Variants in RHAG observed in about 807,000 individuals in gnomAD.
The protein encoded by RHAG is Rh associated glycoprotein.
In RHAG, 25 loss-of-function variants were observed where a neutral mutation model predicts 42.4. The ratio of observed to expected loss-of-function variants is 0.59; its 90% CI spans 0.43 to 0.82. RHAG has a LOEUF of 0.82. Ranked by LOEUF, RHAG falls within the 40% of genes least tolerant of loss-of-function variation. The probability of loss-of-function intolerance (pLI) is 0.00; values close to 1 mark genes in which losing one functional copy is unlikely to be tolerated. For synonymous variants in RHAG, 182 were observed against 177.7 expected (o/e 1.02, Z -0.19); for missense variants, 483 against 504.6 (o/e 0.96, Z 0.41).
At chr6:49,608,790 G>A (rs558880134) in intron 7 of RHAG, among the ~76,000 whole-genome samples, 7 of 151,852 alleles carry the variant, frequency 4.6e-5, no homozygotes, top group East Asian at 3.9e-4. Flanking sequence ...ATGCTTTATC[G>A]CTTTGATAAG....
Position 49,611,211 on chromosome 6 carries a change from G to T in RHAG, c.946-66C>A, listed in dbSNP as rs116596336. On this transcript the variant is annotated intron_variant, in intron 6 of 9. Transcript: ENST00000371175. ...CATATAGAACTCTAGAACTGAAACA[G>T]AGCTATAGCTGGGCTCTATTCTTCC... The T allele has an allele frequency of 7.5e-4, 988 of 1,322,712 alleles. 5 individuals are homozygous for T. The African/African-American group carries it at 0.013, about 17-fold the overall frequency. 81.9% of individuals were successfully genotyped at this position (1,322,712 alleles called of 1,614,324 possible). A position where few individuals can be genotyped will look rare whatever the true frequency, so the allele number is the denominator to read the frequency against.
intron 5 of RHAG, among the ~76,000 whole-genome samples, chr6:49,613,008 C>A (rs1274870939): frequency 6.6e-6 from 1 of 150,636 alleles, no homozygotes; most frequent in East Asian, 1.9e-4. Context: ...ATATGAAAGA[C>A]AATAGTTTTT....
At chr6:49,623,253 C>A (rs370360246) in intron 1 of RHAG, among the ~76,000 whole-genome samples, 7 of 152,128 alleles carry the variant, frequency 4.6e-5, no homozygotes, top group Admixed American at 4.6e-4. Context: ...GGCTTAAGAA[C>A]CTCATTTATT....
chr6:49,614,156 C>T (rs931873030), intron 5 of RHAG, among the ~76,000 whole-genome samples: 5 of 151,854 alleles, frequency 3.3e-5, no homozygotes, highest in African/African-American at 9.7e-5. Flanking sequence ...CCCTTGAGAA[C>T]ATTTTTTAAT....
Position 49,614,730 on chromosome 6 carries a change from A to C in RHAG, c.764T>G (p.Phe255Cys), listed in dbSNP as rs1403518486. Residue 255 changes from phenylalanine to cysteine, a missense_variant, in exon 5 of 10, where the codon TTT becomes TGT. Phe to Cys is a radical substitution (Grantham distance 205, BLOSUM62 -2). Transcript: ENST00000371175. Reference protein sequence around the residue: ...FSLAACVLTAFAFSSLVEHRG... With the variant: ...FSLAACVLTACAFSSLVEHRG... ...GTGCTCCACTAGGCTGGAGAAGGCA[A>C]AGGCTGTGAGCACACAGGCAGCGAG... 4 of 1,614,082 alleles carry C rather than the reference A, an allele frequency of 2.5e-6. No individual in the cohort carries two copies. The highest frequency in any genetic ancestry group is 3.4e-6 in the Non-Finnish European group (4 of 1,180,030).
At chr6:49,622,314 T>C (rs972764523) in intron 1 of RHAG, among the ~76,000 whole-genome samples, 11 of 150,866 alleles carry the variant, frequency 7.3e-5, no homozygotes, top group Non-Finnish European at 1.5e-4. Context: ...CCTCCCGGGC[T>C]CAAGTGATTC....
chr6:49,622,759 T>C (rs1762782515), intron 1 of RHAG, among the ~76,000 whole-genome samples: 1 of 152,156 alleles, frequency 6.6e-6, no homozygotes, highest in Admixed American at 6.5e-5. Flanking sequence ...TTTATCTAAT[T>C]TCATAATTTC....
At chr6:49,623,899 C>T (rs996298456) in intron 1 of RHAG, among the ~76,000 whole-genome samples, 3 of 152,060 alleles carry the variant, frequency 2.0e-5, no homozygotes, top group Admixed American at 2.0e-4. Flanking sequence ...AATTTCTGCC[C>T]AGCAGCACAG....
chr6:49,636,568 C>A lies in RHAG; in HGVS notation c.157+88G>T, dbSNP rs1264340699. On this transcript the variant is annotated intron_variant, in intron 1 of 9. Coordinates refer to ENST00000371175, the MANE Select transcript of RHAG (RefSeq NM_000324.3). ...AACCATCATATAATTCTACAAAGAG[C>A]TCAAGGGTTTATAGTATTCAATTGT... is the stretch of plus-strand genomic sequence containing the variant. 3.0e-6 allele frequency: 4 copies of A among 1,316,918 alleles called. No individual in the cohort carries two copies. In the East Asian group the frequency reaches 6.9e-5, roughly 23 times the overall value. The allele number at this position is 1,316,918 out of a possible 1,614,324, so 81.6% of individuals were successfully genotyped here. A position where few individuals can be genotyped will look rare whatever the true frequency, so the allele number is the denominator to read the frequency against.
intron 1 of RHAG, among the ~76,000 whole-genome samples, chr6:49,634,797 T>A (rs1049323307): frequency 6.6e-6 from 1 of 152,100 alleles, no homozygotes; most frequent in African/African-American, 2.4e-5. Flanking sequence ...ACTATATTTT[T>A]AAACAGATTT....
intron 4 of RHAG, 33 bp from the exon 5 acceptor site, chr6:49,614,886 T>C: frequency 6.3e-7 from 1 of 1,595,014 alleles, no homozygotes; most frequent in Non-Finnish European, 8.6e-7. Flanking sequence ...ATATTAGTTC[T>C]GAATATGGAA....
rs531446812 is a variant in RHAG at position 49,614,359 on chromosome 6, AT to A, written c.807+327del. Reference sequence around the variant, plus strand: ...AGGTGTCTGCCTCCACGCCTGGCTAATTTTTTTTTTTTTTGTATTTTTAGTA... The same window carrying A: ...AGGTGTCTGCCTCCACGCCTGGCTAATTTTTTTTTTTTTGTATTTTTAGTA... On this transcript the variant is annotated intron_variant, in intron 5 of 9. Coordinates refer to ENST00000371175, the MANE Select transcript of RHAG (RefSeq NM_000324.3). 8.9e-3 allele frequency among the ~76,000 whole-genome samples: 1,259 copies of A among 140,996 alleles called. 9 individuals carry two copies. The highest frequency in any genetic ancestry group is 0.023 in the African/African-American group (881 of 38,516). 92.5% of individuals were successfully genotyped at this position (140,996 alleles called of 152,430 possible).
intron 5 of RHAG, 105 bp from the exon 6 acceptor site, chr6:49,612,639 G>A (rs1031283967): frequency 1.5e-6 from 2 of 1,317,814 alleles, no homozygotes; most frequent in Admixed American, 3.6e-5. Context: ...TTCTTCAGTT[G>A]AAAGGGCTAT....
chr6:49,622,204 C>G (rs1272474158), intron 1 of RHAG, among the ~76,000 whole-genome samples: 1 of 144,556 alleles, frequency 6.9e-6, no homozygotes, highest in African/African-American at 2.5e-5. Context: ...GTGGGTGTCA[C>G]AAGATCTGAT....
chr6:49,615,866 A>G, intron 3 of RHAG, 95 bp from the exon 4 acceptor site: 1 of 1,274,676 alleles, frequency 7.8e-7, no homozygotes, highest in South Asian at 1.2e-5. Flanking sequence ...TTGGTTAAAC[A>G]ACTTAAAAAA....
intron 2 of RHAG, 126 bp from the exon 3 acceptor site, chr6:49,618,344 T>C: frequency 1.1e-6 from 1 of 915,712 alleles, no homozygotes; most frequent in Non-Finnish European, 1.8e-6. Context: ...TCCCACTTCC[T>C]TATTCCTCCT....
chr6:49,625,010 C>T (rs1447592965), intron 1 of RHAG, among the ~76,000 whole-genome samples: 2 of 152,158 alleles, frequency 1.3e-5, no homozygotes, highest in Non-Finnish European at 2.9e-5. Flanking sequence ...GCTCACAGTG[C>T]CTTATCTTGG....
intron 4 of RHAG, 168 bp from the exon 5 acceptor site, chr6:49,615,021 A>G: frequency 1.6e-6 from 1 of 628,330 alleles, no homozygotes. Context: ...GATCTCTGCT[A>G]ACTGCAACTT....
At chr6:49,625,034 T>C (rs1439156614) in intron 1 of RHAG, among the ~76,000 whole-genome samples, 1 of 152,222 alleles carries the variant, frequency 6.6e-6, no homozygotes, top group Non-Finnish European at 1.5e-5. Context: ...ACATCAGCAA[T>C]TGCTTTGAAT....
Sources: allele counts gnomAD v4.1 joint callset (sites outside exome capture counted in the v4.1 genomes callset), GRCh38; gene constraint gnomAD v4.1.1; transcripts MANE v1.5; gene names NCBI Gene and HGNC (gene_info 2026-07-23, HGNC 2026-07-21).